Variants in RASGEF1A observed in about 807,000 individuals in gnomAD.
RASGEF1A encodes RasGEF domain family member 1A.
A neutral mutation model predicts 56.4 loss-of-function variants in RASGEF1A; 18 were observed. That is an observed-to-expected ratio of 0.32 (90% CI 0.22 to 0.47). The LOEUF (loss-of-function observed/expected upper bound fraction) is 0.47, where lower values mean the gene tolerates loss of function less well. Among genes scored for constraint, RASGEF1A ranks in the 20% least tolerant of loss-of-function variants. RASGEF1A has a pLI of 1.00. For synonymous variants in RASGEF1A, 245 were observed against 242.6 expected, an observed-to-expected ratio of 1.01 and a Z score of -0.09; for missense variants, 422 against 627.1, an observed-to-expected ratio of 0.67 and a Z score of 3.49.
chr10:43,214,067 T>C (rs999467493), intron 1 of RASGEF1A, among the ~76,000 whole-genome samples: 1 of 152,182 alleles, frequency 6.6e-6, no homozygotes, highest in African/African-American at 2.4e-5. Context: ...TGTACACCTT[T>C]CCTGAGCTGG....
chr10:43,203,246 C>A, intron 3 of RASGEF1A, 52 bp downstream of exon 3: 1 of 1,518,894 alleles, frequency 6.6e-7, no homozygotes. Flanking sequence ...TAGCCTTGAC[C>A]TCGCCTCCTG....
chr10:43,206,043 C>T lies in RASGEF1A; in HGVS notation c.74G>A (p.Gly25Glu), dbSNP rs1482117311. ...SCSGQVQPGM[G>E]ERGGGAGGGS... ...GCCACCGGCCCCGCCTCCACGCTCC[C>T]CCATGCCAGGCTGCACCTGTCCGCT... is the stretch of plus-strand genomic sequence containing the variant. Residue 25 changes from glycine (G) to glutamate (E), a missense_variant, in exon 2 of 13, where the codon GGG becomes GAG. Gly to Glu is a moderately conservative substitution (Grantham distance 98, BLOSUM62 -2). Transcript: ENST00000395810. 1.2e-6 allele frequency: 2 copies of T among 1,609,956 alleles called. No individual in the cohort carries two copies. Among genetic ancestry groups the T allele is most frequent in the Non-Finnish European group, 1.7e-6 (2 of 1,178,622 alleles).
At chr10:43,261,378 G>T (rs1251770649) in intron 1 of RASGEF1A, among the ~76,000 whole-genome samples, 1 of 152,202 alleles carries the variant, frequency 6.6e-6, no homozygotes, top group Non-Finnish European at 1.5e-5. Flanking sequence ...TGTCCCCGTA[G>T]CGGGGCTGAG....
intron 1 of RASGEF1A, chr10:43,207,063 A>T (rs1840006279): frequency 2.0e-6 from 2 of 985,552 alleles, no homozygotes; most frequent in Non-Finnish European, 2.4e-6. Context: ...CCAGTGCCCC[A>T]GACAGCCAGC....
intron 1 of RASGEF1A, among the ~76,000 whole-genome samples, chr10:43,209,675 T>A (rs1166195108): frequency 7.0e-6 from 1 of 143,658 alleles, no homozygotes. Flanking sequence ...TGTGGAGAGC[T>A]CAGGAAGCCC....
chr10:43,204,591 A>G (rs1187907610), intron 2 of RASGEF1A, among the ~76,000 whole-genome samples: 1 of 152,034 alleles, frequency 6.6e-6, no homozygotes, highest in African/African-American at 2.4e-5. Flanking sequence ...ATCTCCAAGG[A>G]GGAGCATGGA....
chr10:43,203,275 GC>G (rs1588929241), intron 3 of RASGEF1A, 22 bp downstream of exon 3: 1 of 1,546,440 alleles, frequency 6.5e-7, no homozygotes, highest in Non-Finnish European at 8.7e-7. Context: ...CCCCGCCCGT[GC>G]CCCAGCCAGG....
At chr10:43,252,433 C>T (rs1018924009) in intron 1 of RASGEF1A, among the ~76,000 whole-genome samples, 3 of 151,942 alleles carry the variant, frequency 2.0e-5, no homozygotes, top group East Asian at 1.9e-4. Flanking sequence ...GGGTGGGCTA[C>T]GGGGCTGCGG....
intron 1 of RASGEF1A, among the ~76,000 whole-genome samples, chr10:43,215,340 C>T (rs751593650): frequency 2.0e-5 from 3 of 152,180 alleles, no homozygotes; most frequent in Non-Finnish European, 4.4e-5. Flanking sequence ...TCAACAAAAA[C>T]GGAGACTATT....
At chr10:43,197,525 C>A (rs1839819222) in intron 10 of RASGEF1A, among the ~76,000 whole-genome samples, 1 of 152,060 alleles carries the variant, frequency 6.6e-6, no homozygotes, top group African/African-American at 2.4e-5. Context: ...AGGTAGGCAT[C>A]CGGCAGCCCA....
chr10:43,263,311 T>G (rs967838546), intron 1 of RASGEF1A, among the ~76,000 whole-genome samples: 1 of 152,090 alleles, frequency 6.6e-6, no homozygotes, highest in African/African-American at 2.4e-5. Flanking sequence ...ATCCCTGGAC[T>G]GAAGGAGGTG....
chr10:43,235,944 A>C (rs1280074856), intron 1 of RASGEF1A, among the ~76,000 whole-genome samples: 1 of 152,124 alleles, frequency 6.6e-6, no homozygotes, highest in Non-Finnish European at 1.5e-5. Context: ...TCCCATCACA[A>C]GGCTCTGGAT....
At chr10:43,233,665 G>A (rs895934672) in intron 1 of RASGEF1A, among the ~76,000 whole-genome samples, 3 of 152,162 alleles carry the variant, frequency 2.0e-5, no homozygotes, top group Non-Finnish European at 4.4e-5. Context: ...AGCTGCTGGC[G>A]GCGCGGCAGG....
At chr10:43,228,208 C>T (rs1840308300) in intron 1 of RASGEF1A, among the ~76,000 whole-genome samples, 1 of 152,198 alleles carries the variant, frequency 6.6e-6, no homozygotes, top group South Asian at 2.1e-4. Flanking sequence ...GCTTCCACTT[C>T]AAAGCTCTGC....
intron 1 of RASGEF1A, chr10:43,206,754 A>G: frequency 1.0e-6 from 1 of 986,574 alleles, no homozygotes; most frequent in Non-Finnish European, 1.2e-6. Context: ...CGGTAGCAGG[A>G]GTGGCGAGCA....
intron 1 of RASGEF1A, among the ~76,000 whole-genome samples, chr10:43,258,030 G>A (rs888007291): frequency 6.6e-6 from 1 of 152,210 alleles, no homozygotes; most frequent in African/African-American, 2.4e-5. Context: ...ACTAGGCTGG[G>A]CAGGTTTCCA....
At chr10:43,241,342 T>G (rs545092121) in intron 1 of RASGEF1A, among the ~76,000 whole-genome samples, 1 of 152,286 alleles carries the variant, frequency 6.6e-6, no homozygotes, top group Admixed American at 6.5e-5. Flanking sequence ...TATAGATTGA[T>G]GAGCACACAA....
rs572553426 is a variant in RASGEF1A at position 43,203,310 on chromosome 10, G to A, written c.309C>T (p.Ala103=). 4.0e-5 allele frequency: 62 copies of A among 1,557,910 alleles called. No individual in the cohort carries two copies. The African/African-American group carries it at 5.7e-4, about 14-fold the overall frequency. The change falls in exon 3 of 13, where the codon GCC becomes GCT. Residue 103 remains alanine, a synonymous_variant. Coordinates refer to ENST00000395810, the MANE Select transcript of RASGEF1A (RefSeq NM_145313.4). ...ICVEQKQQLE[A]GPEKAKLKSF... is the part of the protein sequence containing the mutation. Reference sequence around the variant, plus strand: ...GGCCCCGCCTCACCTTTTCAGGCCCGGCTTCCAGCTGCTGCTTCTGCTCCA... The same window carrying A: ...GGCCCCGCCTCACCTTTTCAGGCCCAGCTTCCAGCTGCTGCTTCTGCTCCA...
intron 8 of RASGEF1A, 21 bp downstream of exon 8, chr10:43,199,071 C>T (rs756312911): frequency 6.2e-7 from 1 of 1,612,946 alleles, no homozygotes; most frequent in Admixed American, 1.7e-5. Flanking sequence ...GCAGCCCCAC[C>T]CTGGGTGCCC....
Sources: gnomAD v4.1 joint callset for allele counts (sites outside exome capture counted in the v4.1 genomes callset) on GRCh38, gnomAD v4.1.1 for gene constraint, MANE v1.5 for transcripts, NCBI Gene and HGNC (gene_info 2026-07-23, HGNC 2026-07-21) for gene names.